CDH13: variants seen among roughly 807,000 people sequenced by gnomAD.
CDH13 encodes cadherin-13.
Under a neutral mutation model 63.8 loss-of-function variants are expected in CDH13, and 24 were observed. The ratio of observed to expected loss-of-function variants is 0.38; its 90% CI spans 0.27 to 0.53. The LOEUF (loss-of-function observed/expected upper bound fraction) is 0.53. Among genes scored for constraint, CDH13 ranks in the 20% least tolerant of loss-of-function variants. CDH13 has a pLI of 0.85. For synonymous variants in CDH13, 503 were observed against 355.3 expected (o/e 1.42, Z -4.67); for missense variants, 1,049 against 903.1 (o/e 1.16, Z -2.07).
At chr16:83,767,182 A>T (rs544032550) in intron 11 of CDH13, among the ~76,000 whole-genome samples, 2 of 151,776 alleles carry the variant, frequency 1.3e-5, no homozygotes, top group Non-Finnish European at 2.9e-5. Context: ...ATTTTGTAAC[A>T]TGTATATCTA....
At chr16:83,041,363 A>T (rs1380438778) in intron 3 of CDH13, among the ~76,000 whole-genome samples, 2 of 152,166 alleles carry the variant, frequency 1.3e-5, no homozygotes, top group Admixed American at 1.3e-4. Context: ...TTTGGCTCCT[A>T]ATCCAGTTTC....
intron 7 of CDH13, among the ~76,000 whole-genome samples, chr16:83,575,660 C>A (rs1171824791): frequency 1.3e-5 from 2 of 152,212 alleles, no homozygotes; most frequent in Non-Finnish European, 2.9e-5. Context: ...CTCTTAACCT[C>A]CCGTCAGATT....
At chr16:83,486,441 A>C in intron 6 of CDH13, 36 bp from the exon 7 acceptor site, 2 of 1,589,698 alleles carry the variant, frequency 1.3e-6, no homozygotes, top group Non-Finnish European at 1.7e-6. Context: ...TGACCCATTG[A>C]TAACCATTCC....
At chr16:83,183,788 C>G (rs2038423008) in intron 4 of CDH13, among the ~76,000 whole-genome samples, 1 of 152,132 alleles carries the variant, frequency 6.6e-6, no homozygotes. Flanking sequence ...TGGAAGGGAT[C>G]CAAGGCAGTG....
intron 3 of CDH13, among the ~76,000 whole-genome samples, chr16:83,104,806 T>G (rs2034684811): frequency 6.6e-6 from 1 of 152,128 alleles, no homozygotes. Flanking sequence ...GCCATAACAT[T>G]ATGAAGCTAA....
chr16:83,745,982 C>G (rs1912542368), intron 10 of CDH13, among the ~76,000 whole-genome samples: 6 of 152,178 alleles, frequency 3.9e-5, no homozygotes, highest in Admixed American at 3.9e-4. Context: ...AGGGTCGCAG[C>G]TCCAAGGTCA....
At chr16:83,344,220 C>G (rs1314899118) in intron 5 of CDH13, among the ~76,000 whole-genome samples, 1 of 152,272 alleles carries the variant, frequency 6.6e-6, no homozygotes, top group African/African-American at 2.4e-5. Context: ...GTTTCCAAGA[C>G]AAACAAAAAA....
At chr16:82,713,262 CA>C (rs1384346704) in intron 1 of CDH13, among the ~76,000 whole-genome samples, 1 of 152,054 alleles carries the variant, frequency 6.6e-6, no homozygotes, top group African/African-American at 2.4e-5. Flanking sequence ...GTATGAGGTC[CA>C]AGGATCTGCA....
At chr16:82,837,494 G>C (rs2038818571) in intron 1 of CDH13, among the ~76,000 whole-genome samples, 1 of 152,154 alleles carries the variant, frequency 6.6e-6, no homozygotes, top group Non-Finnish European at 1.5e-5. Context: ...CCCCAAGGAG[G>C]ACTCATGGTT....
intron 1 of CDH13, among the ~76,000 whole-genome samples, chr16:82,809,941 G>A (rs1435447055): frequency 2.0e-5 from 3 of 152,106 alleles, no homozygotes; most frequent in East Asian, 3.9e-4. Flanking sequence ...TAACTGATAC[G>A]TAGACTTGCT....
At chr16:83,517,523 A>G (rs2074725769) in intron 7 of CDH13, among the ~76,000 whole-genome samples, 1 of 151,224 alleles carries the variant, frequency 6.6e-6, no homozygotes, top group East Asian at 2.0e-4. Context: ...GAGTTACAGT[A>G]TCAAAAGCAG....
At chr16:83,522,784 C>G (rs76140518) in intron 7 of CDH13, among the ~76,000 whole-genome samples, 3,678 of 152,230 alleles carry the variant, frequency 0.024, 81 homozygotes, top group South Asian at 0.1. Context: ...GCTGTGCATT[C>G]TCCTGGGGCT....
chr16:83,644,754 G>T (rs1342963539), intron 8 of CDH13, among the ~76,000 whole-genome samples: 1 of 152,130 alleles, frequency 6.6e-6, no homozygotes, highest in African/African-American at 2.4e-5. Flanking sequence ...CAGCAGTGGG[G>T]GTCCCCAGTG....
intron 7 of CDH13, among the ~76,000 whole-genome samples, chr16:83,595,528 C>G (rs545939907): frequency 6.6e-6 from 1 of 152,116 alleles, no homozygotes; most frequent in African/African-American, 2.4e-5. Context: ...AGCCCTTAAA[C>G]CTAAAAAATG....
chr16:82,750,435 T>C (rs2034365841), intron 1 of CDH13, among the ~76,000 whole-genome samples: 1 of 152,180 alleles, frequency 6.6e-6, no homozygotes. Flanking sequence ...TTTAGGGAGC[T>C]TGTTGGTTAT....
At chr16:82,957,557 C>T (rs1028124619) in intron 2 of CDH13, among the ~76,000 whole-genome samples, 3 of 152,164 alleles carry the variant, frequency 2.0e-5, no homozygotes, top group Non-Finnish European at 4.4e-5. Flanking sequence ...AACATGTACA[C>T]GCCCCCCTGC....
intron 6 of CDH13, among the ~76,000 whole-genome samples, chr16:83,439,087 A>G (rs1040531111): frequency 5.3e-4 from 81 of 152,348 alleles, no homozygotes; most frequent in African/African-American, 1.8e-3. Context: ...GCTTCTTCCA[A>G]TAGCTATGTG....
chr16:83,256,883 C>T (rs1011348402), intron 5 of CDH13, among the ~76,000 whole-genome samples: 4 of 150,922 alleles, frequency 2.7e-5, no homozygotes, highest in Non-Finnish European at 5.9e-5. Context: ...TCCCAGGCCC[C>T]TGTTAGACTT....
intron 7 of CDH13, among the ~76,000 whole-genome samples, chr16:83,533,618 CTTTTTTTT>C (rs11365656): frequency 8.6e-6 from 1 of 116,104 alleles, no homozygotes; most frequent in Non-Finnish European, 1.7e-5. Context: ...TTTACATTAT[CTTTTTTTT>C]TTTTTTTTTT....
Sources: gnomAD v4.1 joint callset for allele counts (sites outside exome capture counted in the v4.1 genomes callset) on GRCh38, gnomAD v4.1.1 for gene constraint, MANE v1.5 for transcripts, NCBI Gene and HGNC (gene_info 2026-07-23, HGNC 2026-07-21) for gene names.